Variants in RNF212 observed in about 807,000 individuals in gnomAD.
The protein encoded by RNF212 is probable E3 SUMO-protein ligase RNF212.
A neutral mutation model predicts 34.7 loss-of-function variants in RNF212; 33 were observed. The observed-to-expected ratio is 0.95, with a 90% CI of 0.72 to 1.27. The LOEUF is 1.27. Among genes scored for constraint, RNF212 ranks in the 50% most tolerant of loss-of-function variants. The probability of loss-of-function intolerance (pLI) is 0.00; values close to 1 mark genes in which losing one functional copy is unlikely to be tolerated. For missense variants in RNF212, 377 were observed against 362.2 expected (o/e 1.04, Z -0.33); for synonymous variants, 140 against 136.1 (o/e 1.03, Z -0.20).
intron 3 of RNF212, among the ~76,000 whole-genome samples, chr4:1,095,768 A>T (rs1577766617): frequency 2.0e-5 from 1 of 49,798 alleles, no homozygotes; most frequent in East Asian, 5.5e-4. Flanking sequence ...CCATGGTCTC[A>T]GCATAGCGCA....
intron 8 of RNF212, among the ~76,000 whole-genome samples, chr4:1,073,990 A>G (rs762413559): frequency 6.6e-6 from 1 of 152,166 alleles, no homozygotes; most frequent in Non-Finnish European, 1.5e-5. Context: ...GAGAATGTGA[A>G]ATTCTGAGTA....
rs1289112230 is a variant in RNF212 at position 1,072,612 on chromosome 4, T to C, written c.*262A>G. 12 of 1,000,890 alleles carry C rather than the reference T, an allele frequency of 1.2e-5. No homozygotes were observed. Among genetic ancestry groups the C allele is most frequent in the Non-Finnish European group, 1.5e-5 (12 of 806,584 alleles). 62.0% of individuals were successfully genotyped at this position (1,000,890 alleles called of 1,614,324 possible). On this transcript the variant is annotated 3_prime_UTR_variant, in exon 10 of 10. Transcript: ENST00000433731. Reference sequence around the variant, plus strand: ...CCCAGTTAGAAAAAAATGATTTAAGTATGTGAAAAAAAAACTCCCTAAGCA... The same window carrying C: ...CCCAGTTAGAAAAAAATGATTTAAGCATGTGAAAAAAAAACTCCCTAAGCA...
chr4:1,088,782 C>A (rs946084076), intron 4 of RNF212, among the ~76,000 whole-genome samples: 4 of 152,232 alleles, frequency 2.6e-5, no homozygotes, highest in Non-Finnish European at 5.9e-5. Flanking sequence ...CCAGCCATGA[C>A]TAAAAGGGTC....
intron 2 of RNF212, chr4:1,099,663 G>C (rs1723624971): frequency 2.3e-6 from 1 of 440,864 alleles, no homozygotes; most frequent in Non-Finnish European, 4.6e-6. Context: ...TTTTAAAAGG[G>C]GGGTGTGTGC....
intron 3 of RNF212, among the ~76,000 whole-genome samples, chr4:1,065,852 C>T (rs1718059769): frequency 6.6e-6 from 1 of 151,378 alleles, no homozygotes; most frequent in African/African-American, 2.4e-5. Context: ...TCCCAAAGTG[C>T]TGGGATTACA....
chr4:1,079,593 A>G, intron 8 of RNF212, 50 bp downstream of exon 8: 1 of 1,274,212 alleles, frequency 7.8e-7, no homozygotes, highest in Middle Eastern at 1.9e-4. Flanking sequence ...AAAATGGGAA[A>G]TGCCACACGT....
Position 1,072,843 on chromosome 4 carries a change from T to C in RNF212, c.*31A>G. 6.5e-7 allele frequency: 1 copy of C among 1,540,884 alleles called. No individual in the cohort carries two copies. On this transcript the variant is annotated 3_prime_UTR_variant, in exon 10 of 10. Coordinates refer to ENST00000433731, the MANE Select transcript of RNF212 (RefSeq NM_001131034.4). ...ACACAGAGGAATAAATTGAAAACAC[T>C]CAGAATCATTAATAGTCACATAAAT...
At chr4:1,061,980 T>C (rs6854793) in intron 3 of RNF212, among the ~76,000 whole-genome samples, 121,154 of 152,160 alleles carry the variant, frequency 0.8, 48,715 homozygotes, top group African/African-American at 0.89. Flanking sequence ...AGATCGCATT[T>C]CCTAAGGACT....
intron 1 of RNF212, 66 bp downstream of exon 1, chr4:1,113,290 C>G (rs1267149016): frequency 3.6e-6 from 3 of 844,660 alleles, no homozygotes; most frequent in South Asian, 3.9e-5. Context: ...TCCCCCATCC[C>G]CCGGAGTTCC....
intron 5 of RNF212, among the ~76,000 whole-genome samples, chr4:1,082,611 C>A (rs1000372956): frequency 3.9e-5 from 6 of 152,246 alleles, no homozygotes; most frequent in African/African-American, 1.4e-4. Flanking sequence ...TGGCACTGCC[C>A]CTCAACATCC....
downstream of RNF212, among the ~76,000 whole-genome samples, chr4:1,070,159 G>A (rs1481781264): frequency 6.6e-6 from 1 of 151,710 alleles, no homozygotes; most frequent in East Asian, 1.9e-4. Context: ...ACTGCGCTGT[G>A]TCAGCGTGGA....
At chr4:1,094,669 G>A (rs559097438) in intron 3 of RNF212, among the ~76,000 whole-genome samples, 12 of 152,300 alleles carry the variant, frequency 7.9e-5, no homozygotes, top group East Asian at 5.8e-4. Flanking sequence ...AGGGCTCAGC[G>A]GGGATTGGAG....
At chr4:1,057,485 C>CGGGGCT (rs1316684744) in intron 4 of RNF212, among the ~76,000 whole-genome samples, 1 of 152,078 alleles carries the variant, frequency 6.6e-6, no homozygotes. Context: ...TGGTCTGTTC[C>CGGGGCT]GGGGCTGGGG....
chr4:1,113,365 G>C lies in RNF212; in HGVS notation c.100C>G (p.Leu34Val). Residue 34 changes from leucine to valine, a missense_variant, in exon 1 of 10, where the codon CTC (leucine) becomes GTC (valine). Coordinates refer to ENST00000433731, the MANE Select transcript of RNF212 (RefSeq NM_001131034.4). ...NCGHVYCDAC[L>V]GKGKKNECLI... Reference sequence around the variant, plus strand: ...TTCGGGAAGCCCTGACCTTTGCCGAGGCAGGCGTCGCAGTACACGTGCCCG... The same window carrying C: ...TTCGGGAAGCCCTGACCTTTGCCGACGCAGGCGTCGCAGTACACGTGCCCG... 1 of 1,576,698 alleles carries C rather than the reference G, an allele frequency of 6.3e-7. No individual in the cohort carries two copies. The highest frequency in any genetic ancestry group is 8.6e-7 in the Non-Finnish European group (1 of 1,165,470).
intron 3 of RNF212, among the ~76,000 whole-genome samples, chr4:1,060,226 C>G (rs1377193003): frequency 6.6e-6 from 1 of 152,154 alleles, no homozygotes; most frequent in Non-Finnish European, 1.5e-5. Flanking sequence ...CAGGGTCTGG[C>G]AAGCAGTGCT....
chr4:1,079,340 C>T (rs190212433), intron 8 of RNF212, among the ~76,000 whole-genome samples: 6 of 152,326 alleles, frequency 3.9e-5, no homozygotes, highest in East Asian at 3.9e-4. Flanking sequence ...GGGACCTGTA[C>T]GGGAACAACA....
intron 7 of RNF212, among the ~76,000 whole-genome samples, chr4:1,080,520 C>T (rs1476471966): frequency 6.6e-6 from 1 of 152,170 alleles, no homozygotes; most frequent in Non-Finnish European, 1.5e-5. Flanking sequence ...GCTGACCCCT[C>T]ACCCTTCATT....
intron 2 of RNF212, chr4:1,107,473 T>G (rs1560166986): frequency 6.6e-6 from 1 of 151,800 alleles, no homozygotes; most frequent in South Asian, 2.1e-4. Flanking sequence ...TTTTTTTTTT[T>G]GAGACAGAGT....
intron 3 of RNF212, among the ~76,000 whole-genome samples, chr4:1,062,657 T>G (rs1486212012): frequency 6.6e-6 from 1 of 152,120 alleles, no homozygotes; most frequent in South Asian, 2.1e-4. Flanking sequence ...GAGAGGGCGG[T>G]TAGGCGAGAA....
Sources: gnomAD v4.1 joint callset for allele counts (sites outside exome capture counted in the v4.1 genomes callset) on GRCh38, gnomAD v4.1.1 for gene constraint, MANE v1.5 for transcripts, NCBI Gene and HGNC (gene_info 2026-07-23, HGNC 2026-07-21) for gene names.